The following FER variants were observed in gnomAD, a reference collection of about 807,000 sequenced individuals.
FER encodes FER tyrosine kinase.
FER carries 63 observed loss-of-function variants against 111.0 expected under a neutral mutation model. The ratio of observed to expected loss-of-function variants is 0.57; its 90% CI spans 0.46 to 0.70. The LOEUF is 0.70. Among genes scored for constraint, FER ranks in the 30% least tolerant of loss-of-function variants. The pLI, the probability that FER is intolerant of heterozygous loss-of-function variation, is 0.00. For synonymous variants in FER, 327 were observed against 313.9 expected (o/e 1.04, Z -0.44); for missense variants, 914 against 954.0 (o/e 0.96, Z 0.55).
intron 1 of FER, among the ~76,000 whole-genome samples, chr5:108,761,875 G>A (rs1751790988): frequency 6.6e-6 from 1 of 152,010 alleles, no homozygotes; most frequent in African/African-American, 2.4e-5. Context: ...CATTTTAGAA[G>A]TGTAACTTGT....
chr5:109,070,347 A>G (rs1207782238), intron 16 of FER, among the ~76,000 whole-genome samples: 3 of 151,972 alleles, frequency 2.0e-5, no homozygotes, highest in Admixed American at 1.3e-4. Flanking sequence ...TGATACTCTT[A>G]CAGACTGATT....
intron 14 of FER, among the ~76,000 whole-genome samples, chr5:109,043,838 G>T (rs932522944): frequency 6.6e-6 from 1 of 152,010 alleles, no homozygotes; most frequent in Non-Finnish European, 1.5e-5. Flanking sequence ...GGGTGTGGTG[G>T]TGTGCGCCTG....
intron 10 of FER, among the ~76,000 whole-genome samples, chr5:108,917,253 A>G (rs941831427): frequency 3.9e-5 from 6 of 152,128 alleles, no homozygotes; most frequent in South Asian, 4.1e-4. Flanking sequence ...GTGGTTGCTC[A>G]TTATAATTTT....
intron 2 of FER, among the ~76,000 whole-genome samples, chr5:108,795,545 A>T (rs1040554399): frequency 3.3e-5 from 5 of 151,396 alleles, no homozygotes; most frequent in African/African-American, 1.2e-4. Context: ...ATTCTCTTTT[A>T]TTCTTTTTTT....
At chr5:108,829,318 A>T (rs1759794659) in intron 3 of FER, among the ~76,000 whole-genome samples, 1 of 152,126 alleles carries the variant, frequency 6.6e-6, no homozygotes, top group Non-Finnish European at 1.5e-5. Context: ...CTATCACATT[A>T]TAATATTACC....
At chr5:108,835,950 CA>C (rs1760614875) in intron 5 of FER, 143 bp downstream of exon 5, 12 of 470,296 alleles carry the variant, frequency 2.6e-5, no homozygotes. Flanking sequence ...GGCTAATTGT[CA>C]AACAGTGTAG....
chr5:108,806,208 G>A (rs940171358), intron 3 of FER, among the ~76,000 whole-genome samples: 13 of 152,330 alleles, frequency 8.5e-5, no homozygotes, highest in African/African-American at 3.1e-4. Flanking sequence ...TCCACGTGGT[G>A]TTGAGCCTGC....
chr5:108,799,846 C>CTTTT (rs112192717), intron 3 of FER, among the ~76,000 whole-genome samples: 2 of 138,952 alleles, frequency 1.4e-5, no homozygotes, highest in Non-Finnish European at 1.6e-5. Context: ...CTTTTCTTTT[C>CTTTT]TTTTTTTTTT....
At chr5:108,836,127 A>G in intron 5 of FER, among the ~76,000 whole-genome samples, 1 of 152,206 alleles carries the variant, frequency 6.6e-6, no homozygotes, top group Middle Eastern at 3.9e-3. Context: ...AGTAAGAAAA[A>G]TAGGAGTATA....
intron 3 of FER, among the ~76,000 whole-genome samples, chr5:108,808,777 C>T (rs923107348): frequency 3.9e-5 from 6 of 152,040 alleles, no homozygotes; most frequent in Admixed American, 6.6e-5. Context: ...TCTTGTGAGG[C>T]GACCTGGTAT....
rs773963733 is a variant in FER at position 108,927,250 on chromosome 5, C to CTTTTT, written c.1237-18879_1237-18878insTTTTT. On this transcript the variant is annotated intron_variant, in intron 10 of 19. Transcript: ENST00000281092. ...CATGTAATTCAGCATTGAGAAGTGG[C>CTTTTT]TCTTTTTTTTTTTTTTTTTTTGAGA... is the stretch of plus-strand genomic sequence containing the variant. Among the ~76,000 whole-genome samples, 253 of 95,262 alleles carry CTTTTT rather than the reference C, an allele frequency of 2.7e-3. 7 individuals carry two copies. Among genetic ancestry groups the CTTTTT allele is most frequent in the South Asian group, 9.0e-3 (34 of 3,784 alleles). The allele number at this position is 95,262 out of a possible 152,430, so 62.5% of individuals were successfully genotyped here.
At chr5:109,125,589 T>C (rs1175111522) in intron 17 of FER, among the ~76,000 whole-genome samples, 1 of 152,178 alleles carries the variant, frequency 6.6e-6, no homozygotes, top group African/African-American at 2.4e-5. Flanking sequence ...TTATAGAAGA[T>C]TGGTGAAGAT....
At chr5:108,844,626 C>T (rs1488572995) in intron 5 of FER, among the ~76,000 whole-genome samples, 1 of 152,034 alleles carries the variant, frequency 6.6e-6, no homozygotes, top group East Asian at 1.9e-4. Context: ...ATTCCTAGTG[C>T]CCTTTTGTAA....
intron 17 of FER, among the ~76,000 whole-genome samples, chr5:109,101,311 G>T (rs1269232546): frequency 6.6e-6 from 1 of 151,914 alleles, no homozygotes; most frequent in Admixed American, 6.6e-5. Flanking sequence ...GTGGAGCAAG[G>T]TTCATTGCTA....
Position 109,052,218 on chromosome 5 carries a change from C to T in FER, c.1924+5020C>T, listed in dbSNP as rs541717840. On this transcript the variant is annotated intron_variant, in intron 16 of 19. Transcript: ENST00000281092. ...TGGGTACAGACACAAATATGATCTG[C>T]AGGACCCAGAAGCGCACATGAGAGA... is the stretch of plus-strand genomic sequence containing the variant. The T allele has an allele frequency of 3.5e-5, 56 of 1,607,254 alleles. 2 individuals carry two copies. In the South Asian group the frequency reaches 6.0e-4, roughly 17 times the overall value.
At chr5:109,046,183 GC>G (rs1379265064) in intron 15 of FER, among the ~76,000 whole-genome samples, 1 of 152,012 alleles carries the variant, frequency 6.6e-6, no homozygotes, top group Non-Finnish European at 1.5e-5. Flanking sequence ...TTATCCATTT[GC>G]CAACTTTCTC....
At chr5:108,962,028 T>C (rs1759213677) in intron 13 of FER, among the ~76,000 whole-genome samples, 3 of 152,226 alleles carry the variant, frequency 2.0e-5, no homozygotes. Context: ...CATAAAAATA[T>C]GTTTATCATC....
intron 9 of FER, among the ~76,000 whole-genome samples, chr5:108,888,889 C>T (rs570173276): frequency 6.6e-6 from 1 of 151,806 alleles, no homozygotes. Flanking sequence ...CATACACCCC[C>T]TGCAAGTCTC....
At chr5:108,961,591 A>C (rs1280295063) in intron 13 of FER, among the ~76,000 whole-genome samples, 1 of 152,196 alleles carries the variant, frequency 6.6e-6, no homozygotes, top group Non-Finnish European at 1.5e-5. Context: ...GTAGAAATTT[A>C]AAGTTTATCT....
Sources: allele counts gnomAD v4.1 joint callset (sites outside exome capture counted in the v4.1 genomes callset), GRCh38; gene constraint gnomAD v4.1.1; transcripts MANE v1.5; gene names NCBI Gene and HGNC (gene_info 2026-07-23, HGNC 2026-07-21).